The following ADGRF4 variants were observed in gnomAD, a reference collection of about 807,000 sequenced individuals.
ADGRF4 encodes the protein adhesion G protein-coupled receptor F4.
ADGRF4 carries 63 observed loss-of-function variants against 58.5 expected under a neutral mutation model. That is an observed-to-expected ratio of 1.08 (90% CI 0.88 to 1.33). The LOEUF is 1.33. Among genes scored for constraint, ADGRF4 ranks in the 40% most tolerant of loss-of-function variants. ADGRF4 has a pLI of 0.00. For missense variants in ADGRF4, 931 were observed against 843.9 expected (o/e 1.10, Z -1.28); for synonymous variants, 313 against 295.4 (o/e 1.06, Z -0.61).
At chr6:47,700,409 T>G (rs1771564862) in intron 1 of ADGRF4, among the ~76,000 whole-genome samples, 1 of 152,196 alleles carries the variant, frequency 6.6e-6, no homozygotes, top group Non-Finnish European at 1.5e-5. Flanking sequence ...ACAGACTCAC[T>G]GTAGTTTTAA....
chr6:47,718,435 A>G lies in ADGRF4; in HGVS notation c.2081A>G (p.Gln694Arg), dbSNP rs763285305. 1 of 1,570,276 alleles carries G rather than the reference A, an allele frequency of 6.4e-7. No homozygotes were observed. Among genetic ancestry groups the G allele is most frequent in the African/African-American group, 1.3e-5 (1 of 74,088 alleles). The change falls in exon 9 of 10, where the codon CAA (glutamine) becomes CGA (arginine). Residue 694 changes from glutamine to arginine, a missense_variant. Transcript: ENST00000283303. ...AATGGATCTAAATTAATGAATCGTCAAGGATGAAATGTGAGTATTAAAAAT... is the reference window on the plus strand; with the variant it reads ...AATGGATCTAAATTAATGAATCGTCGAGGATGAAATGTGAGTATTAAAAAT... Reference protein sequence around the residue: ...PTNGSKLMNRQG With the variant: ...PTNGSKLMNRRG
chr6:47,720,157 C>G (rs190284505), intron 9 of ADGRF4, among the ~76,000 whole-genome samples: 1 of 152,100 alleles, frequency 6.6e-6, no homozygotes, highest in African/African-American at 2.4e-5. Context: ...ACTAGATGAT[C>G]CTCCAAAGTC....
At chr6:47,721,134 A>C (rs898969007) in intron 9 of ADGRF4, 75 bp from the exon 10 acceptor site, 3 of 152,210 alleles carry the variant, frequency 2.0e-5, no homozygotes, top group Non-Finnish European at 2.9e-5. Context: ...TTCAGGATTA[A>C]ATGAGCTAAC....
At position 47,707,243 on chromosome 6, in the gene ADGRF4, T is replaced by G; in HGVS notation, c.-3T>G. ...TCTCTATTGCAGGTGAAGATCCTCA[T>G]GTATGAAAATGAAGTCCCAGGCAAC... On this transcript the variant is annotated 5_prime_UTR_variant, in exon 2 of 10. An upstream start codon of the reference 5' UTR is lost. Coordinates refer to ENST00000283303, the MANE Select transcript of ADGRF4 (RefSeq NM_153838.5). 6.3e-7 allele frequency: 1 copy of G among 1,596,742 alleles called. No individual in the cohort carries two copies. Among genetic ancestry groups the G allele is most frequent in the Non-Finnish European group, 8.6e-7 (1 of 1,164,218 alleles).
At chr6:47,706,214 T>C (rs1771706928) in intron 1 of ADGRF4, among the ~76,000 whole-genome samples, 1 of 152,176 alleles carries the variant, frequency 6.6e-6, no homozygotes, top group Non-Finnish European at 1.5e-5. Flanking sequence ...GAAAGTGTCA[T>C]AGTAATGATC....
chr6:47,715,291 G>A (rs1217193297), intron 6 of ADGRF4, 114 bp downstream of exon 6: 1 of 803,756 alleles, frequency 1.2e-6, no homozygotes, highest in South Asian at 1.9e-5. Context: ...TTACATCTTA[G>A]GGTTATTTGG....
Position 47,721,444 on chromosome 6 carries a change from A to G in ADGRF4, c.*239A>G, listed in dbSNP as rs1315820976. ...CCCCTTAACCTACCCGTGCCCTGCA[A>G]GAGGCTGGCTTCTTGGTCAATCTTG... is the stretch of plus-strand genomic sequence containing the variant. On this transcript the variant is annotated 3_prime_UTR_variant, in exon 10 of 10. Coordinates refer to ENST00000283303, the MANE Select transcript of ADGRF4 (RefSeq NM_153838.5). 1 of 152,220 alleles carries G rather than the reference A, an allele frequency of 6.6e-6. No homozygotes were observed. Among genetic ancestry groups the G allele is most frequent in the East Asian group, 1.9e-4 (1 of 5,186 alleles). 9.4% of individuals were successfully genotyped at this position (152,220 alleles called of 1,614,324 possible).
At position 47,714,482 on chromosome 6, in the gene ADGRF4, A is replaced by G. The variant is rs764206140; in HGVS notation, c.1237A>G (p.Ile413Val). 3.7e-6 allele frequency: 6 copies of G among 1,614,110 alleles called. No individual in the cohort carries two copies. The highest frequency in any genetic ancestry group is 5.1e-6 in the Non-Finnish European group (6 of 1,180,026). The change falls in exon 6 of 10, where the codon ATC becomes GTC. Residue 413 changes from isoleucine to valine, a missense_variant. Physicochemically the swap from Ile to Val is conservative, Grantham distance 29. Transcript: ENST00000283303. The part of the protein sequence containing the change: ...YITCIGLSVS[I>V]LSLVLCLIIE... The stretch of plus-strand genomic sequence containing the variant: ...CACCTGCATTGGGCTCAGCGTCTCA[A>G]TCCTAAGCTTGGTTCTTTGCCTGAT...
chr6:47,707,161 C>G lies in ADGRF4; in HGVS notation c.-16-69C>G, dbSNP rs181359484. 591 of 872,860 alleles carry G rather than the reference C, an allele frequency of 6.8e-4. 1 individual carries two copies. The African/African-American group carries it at 7.6e-3, about 11-fold the overall frequency. 54.1% of individuals were successfully genotyped at this position (872,860 alleles called of 1,614,324 possible). A position where few individuals can be genotyped will look rare whatever the true frequency, so the allele number is the denominator to read the frequency against. On this transcript the variant is annotated intron_variant, in intron 1 of 9. Coordinates refer to ENST00000283303, the MANE Select transcript of ADGRF4 (RefSeq NM_153838.5). ...GTGGGTTCACTAAGGGGTTGGTTAG[C>G]CGGATAAGTATTGTTAGTTGCGTGA...
Position 47,714,922 on chromosome 6 carries a change from T to G in ADGRF4, c.1677T>G (p.Leu559=). 1 of 1,613,634 alleles carries G rather than the reference T, an allele frequency of 6.2e-7. No individual in the cohort carries two copies. The highest frequency in any genetic ancestry group is 8.5e-7 in the Non-Finnish European group (1 of 1,179,556). Residue 559 remains leucine, a synonymous_variant, in exon 6 of 10, where the codon CTT becomes CTG. Coordinates refer to ENST00000283303, the MANE Select transcript of ADGRF4 (RefSeq NM_153838.5). ...CWLNWDNTKA[L]LAFAIPAFVI... ...TTAACTGGGACAATACCAAAGCCCTTTTAGCATTTGCCATCCCGGCGTTCG... is the reference window on the plus strand; with the variant it reads ...TTAACTGGGACAATACCAAAGCCCTGTTAGCATTTGCCATCCCGGCGTTCG...
At position 47,717,400 on chromosome 6, in the gene ADGRF4, C is replaced by T. The variant is rs368953751; in HGVS notation, c.2034+49C>T. ...AGCCCTGGAGAGTCCGTGTCCTTGC[C>T]GGTTATGCAGAGACAAATACCATAG... On this transcript the variant is annotated intron_variant, in intron 8 of 9. Transcript: ENST00000283303. 9.9e-5 allele frequency: 123 copies of T among 1,244,704 alleles called. 1 individual carries two copies. Among genetic ancestry groups the T allele is most frequent in the South Asian group, 6.0e-4 (50 of 83,670 alleles). The allele number at this position is 1,244,704 out of a possible 1,614,324, so 77.1% of individuals were successfully genotyped here. A position where few individuals can be genotyped will look rare whatever the true frequency, so the allele number is the denominator to read the frequency against.
chr6:47,707,391 C>A, intron 2 of ADGRF4, 53 bp downstream of exon 2: 1 of 1,005,668 alleles, frequency 9.9e-7, no homozygotes, highest in Non-Finnish European at 1.6e-6. Flanking sequence ...CAGTTGCCCT[C>A]AATGGCAAGA....
chr6:47,720,108 G>T (rs1772122122), intron 9 of ADGRF4, among the ~76,000 whole-genome samples: 1 of 152,108 alleles, frequency 6.6e-6, no homozygotes, highest in Admixed American at 6.5e-5. Context: ...CCATGTTGGG[G>T]ACCTAACAAA....
At chr6:47,702,131 G>T (rs1027847717) in intron 1 of ADGRF4, among the ~76,000 whole-genome samples, 2 of 152,224 alleles carry the variant, frequency 1.3e-5, no homozygotes, top group African/African-American at 4.8e-5. Flanking sequence ...GAACCACTGC[G>T]CCTGGCCTAG....
At position 47,710,862 on chromosome 6, in the gene ADGRF4, C is replaced by T. The variant is rs774783551; in HGVS notation, c.276C>T (p.Ser92=). The T allele has an allele frequency of 3.7e-6, 6 of 1,612,802 alleles. No homozygotes were observed. The highest frequency in any genetic ancestry group is 2.2e-5 in the East Asian group (1 of 44,850). ...AAAAATCAGCTGAAACATGTACAAG[C>T]CTTTCTGTGGAAAAACTCTTTAAGG... ...KWQKSAETCT[S]LSVEKLFKDS... is the part of the protein sequence containing the mutation. The change falls in exon 4 of 10, where the codon AGC becomes AGT. Residue 92 remains serine, a synonymous_variant. Transcript: ENST00000283303.
Position 47,714,288 on chromosome 6 carries a change from A to G in ADGRF4, c.1043A>G (p.Gln348Arg), listed in dbSNP as rs1032725775. 3.1e-6 allele frequency: 5 copies of G among 1,614,204 alleles called. No individual in the cohort carries two copies. Among genetic ancestry groups the G allele is most frequent in the Non-Finnish European group, 4.2e-6 (5 of 1,180,026 alleles). The stretch of plus-strand genomic sequence containing the variant: ...AATAAAACCCGCAATGCCAGAGCCC[A>G]GTGTGTTGGCTGGCACTCCAAGAAA... ...KINKTRNARA[Q>R]CVGWHSKKRR... The change falls in exon 6 of 10, where the codon CAG becomes CGG. Residue 348 changes from glutamine to arginine, a missense_variant. Transcript: ENST00000283303.
intron 6 of ADGRF4, among the ~76,000 whole-genome samples, chr6:47,716,587 C>T (rs1772024420): frequency 6.6e-6 from 1 of 152,170 alleles, no homozygotes; most frequent in Non-Finnish European, 1.5e-5. Context: ...ATATCAATAA[C>T]CCTCCTGCAC....
At chr6:47,707,387 C>A in intron 2 of ADGRF4, 49 bp downstream of exon 2, 1 of 1,053,206 alleles carries the variant, frequency 9.5e-7, no homozygotes, top group Non-Finnish European at 1.5e-6. Flanking sequence ...CTCTCAGTTG[C>A]CCTCAATGGC....
chr6:47,701,163 G>A (rs545719546), intron 1 of ADGRF4, among the ~76,000 whole-genome samples: 12 of 152,298 alleles, frequency 7.9e-5, no homozygotes, highest in African/African-American at 2.9e-4. Flanking sequence ...GCCAGCAAAT[G>A]TTATTTTCTT....
Sources: gnomAD v4.1 joint callset for allele counts (sites outside exome capture counted in the v4.1 genomes callset) on GRCh38, gnomAD v4.1.1 for gene constraint, MANE v1.5 for transcripts, NCBI Gene and HGNC (gene_info 2026-07-23, HGNC 2026-07-21) for gene names.